The following PRDM5 variants were observed in gnomAD, a reference collection of about 807,000 sequenced individuals.
PRDM5 encodes the protein PR domain zinc finger protein 5.
PRDM5 carries 56 observed loss-of-function variants against 81.2 expected under a neutral mutation model. The ratio of observed to expected loss-of-function variants is 0.69; its 90% CI spans 0.56 to 0.86. PRDM5 has a LOEUF of 0.86. Ranked by LOEUF, PRDM5 falls within the 40% of genes least tolerant of loss-of-function variation. The pLI is 0.00. For missense variants in PRDM5, 697 were observed against 770.1 expected (o/e 0.91, Z 1.12); for synonymous variants, 267 against 256.4 (o/e 1.04, Z -0.39).
intron 10 of PRDM5, among the ~76,000 whole-genome samples, chr4:120,794,769 G>A (rs549103602): frequency 1.3e-4 from 20 of 152,010 alleles, no homozygotes; most frequent in Middle Eastern, 3.4e-3. Flanking sequence ...GACTACAGGC[G>A]TGCGCCACAA....
At chr4:120,911,892 G>A (rs1766556104) in intron 1 of PRDM5, among the ~76,000 whole-genome samples, 1 of 152,150 alleles carries the variant, frequency 6.6e-6, no homozygotes, top group Admixed American at 6.5e-5. Flanking sequence ...ATCATTAGAG[G>A]ATAATAAGTT....
intron 13 of PRDM5, among the ~76,000 whole-genome samples, chr4:120,755,170 T>C (rs1447118443): frequency 6.6e-6 from 1 of 152,196 alleles, no homozygotes; most frequent in Non-Finnish European, 1.5e-5. Context: ...TAATAATTAA[T>C]CCATACTTTC....
intron 3 of PRDM5, among the ~76,000 whole-genome samples, chr4:120,835,877 T>G (rs968672027): frequency 6.6e-6 from 1 of 150,546 alleles, no homozygotes; most frequent in Non-Finnish European, 1.5e-5. Flanking sequence ...GAAGGGTGAG[T>G]TGAAAGATGG....
intron 15 of PRDM5, among the ~76,000 whole-genome samples, chr4:120,695,984 C>A (rs1324290035): frequency 6.6e-6 from 1 of 151,992 alleles, no homozygotes. Context: ...GAGGAAATGG[C>A]TTGTAAAAAT....
intron 2 of PRDM5, among the ~76,000 whole-genome samples, chr4:120,872,814 C>A (rs1158577404): frequency 6.6e-6 from 1 of 151,952 alleles, no homozygotes; most frequent in African/African-American, 2.4e-5. Context: ...ATGGTGATTA[C>A]CAGGGGCAGG....
chr4:120,695,076 C>G lies in PRDM5; in HGVS notation c.*35G>C, dbSNP rs894717561. The G allele has an allele frequency of 1.9e-6, 3 of 1,596,088 alleles. No individual in the cohort carries two copies. Among genetic ancestry groups the G allele is most frequent in the Non-Finnish European group, 2.6e-6 (3 of 1,164,226 alleles). ...AAAAATCTGGGATTCATATTAGGAG[C>G]CCTTCTGAATAGTTTAATTCCTTTA... On this transcript the variant is annotated 3_prime_UTR_variant, in exon 16 of 16. Transcript: ENST00000264808.
intron 15 of PRDM5, among the ~76,000 whole-genome samples, chr4:120,702,038 A>T (rs6534204): frequency 0.82 from 124,653 of 152,010 alleles, 51,799 homozygotes; most frequent in East Asian, 0.91. Context: ...CTGTCTCAAC[A>T]AATGGGGAAT....
At chr4:120,867,806 A>C in intron 2 of PRDM5, among the ~76,000 whole-genome samples, 1 of 152,226 alleles carries the variant, frequency 6.6e-6, no homozygotes, top group Non-Finnish European at 1.5e-5. Flanking sequence ...TTGTCCAGAG[A>C]TATCTCACTT....
At chr4:120,872,205 C>T (rs1761905538) in intron 2 of PRDM5, among the ~76,000 whole-genome samples, 1 of 143,286 alleles carries the variant, frequency 7.0e-6, no homozygotes, top group African/African-American at 2.6e-5. Context: ...AGCAATTCCA[C>T]TTCTGGGTGT....
At chr4:120,790,060 C>A (rs937364159) in intron 10 of PRDM5, among the ~76,000 whole-genome samples, 1 of 152,130 alleles carries the variant, frequency 6.6e-6, no homozygotes, top group Admixed American at 6.5e-5. Context: ...AAGGTAGCAA[C>A]AAAGATTCCA....
chr4:120,843,844 A>G (rs1056569033), intron 3 of PRDM5, among the ~76,000 whole-genome samples: 8 of 152,174 alleles, frequency 5.3e-5, no homozygotes, highest in African/African-American at 1.9e-4. Flanking sequence ...TATCTAATAA[A>G]GATCTCAGCA....
chr4:120,803,929 A>C (rs1226399911), intron 8 of PRDM5, among the ~76,000 whole-genome samples: 1 of 152,146 alleles, frequency 6.6e-6, no homozygotes, highest in African/African-American at 2.4e-5. Context: ...GAGAGTCAAC[A>C]CCCATCAGTG....
intron 14 of PRDM5, among the ~76,000 whole-genome samples, chr4:120,723,894 G>GT (rs1200227925): frequency 5.1e-5 from 7 of 137,304 alleles, no homozygotes; most frequent in African/African-American, 1.1e-4. Context: ...GAAAATCAAA[G>GT]TAAGTCTTAC....
rs1423106485 is a variant in PRDM5 at position 120,727,768 on chromosome 4, T to C, written c.1624-17355A>G. Reference sequence around the variant, plus strand: ...CTGGCCAACACGGTGAAACCCCGACTGTACTAAAAATACAAAAAAATTAGC... The same window carrying C: ...CTGGCCAACACGGTGAAACCCCGACCGTACTAAAAATACAAAAAAATTAGC... On this transcript the variant is annotated intron_variant, in intron 14 of 15. Coordinates refer to ENST00000264808, the MANE Select transcript of PRDM5 (RefSeq NM_018699.4). Among the ~76,000 whole-genome samples, 8 of 151,972 alleles carry C rather than the reference T, an allele frequency of 5.3e-5. No individual in the cohort carries two copies. The South Asian group carries it at 1.0e-3, about 20-fold the overall frequency.
At chr4:120,697,542 G>A (rs1251376227) in intron 15 of PRDM5, among the ~76,000 whole-genome samples, 1 of 149,268 alleles carries the variant, frequency 6.7e-6, no homozygotes, top group African/African-American at 2.5e-5. Context: ...TCAAGATGTC[G>A]CTGTCACCCA....
chr4:120,785,168 A>G lies in PRDM5; in HGVS notation c.1189-77T>C, dbSNP rs148843584. 16 of 1,122,678 alleles carry G rather than the reference A, an allele frequency of 1.4e-5. No homozygotes were observed. The African/African-American group carries it at 2.4e-4, about 17-fold the overall frequency. 69.5% of individuals were successfully genotyped at this position (1,122,678 alleles called of 1,614,324 possible). ...CAATGAACGAGTGGAGCTTGGATTC[A>G]TGATGCGAAAGAGGAAAGAAGGGAA... On this transcript the variant is annotated intron_variant, in intron 10 of 15. Transcript: ENST00000264808.
chr4:120,721,453 C>G, intron 14 of PRDM5, among the ~76,000 whole-genome samples: 1 of 152,144 alleles, frequency 6.6e-6, no homozygotes, highest in Admixed American at 6.5e-5. Context: ...GTTCACCATC[C>G]TCTACCATAA....
chr4:120,825,751 G>C (rs948476491), intron 3 of PRDM5, among the ~76,000 whole-genome samples: 2 of 152,096 alleles, frequency 1.3e-5, no homozygotes, highest in Non-Finnish European at 2.9e-5. Context: ...GCCTAGTAGA[G>C]CTCTTAAATG....
intron 3 of PRDM5, chr4:120,838,269 G>A (rs1161825851): frequency 6.6e-6 from 1 of 151,944 alleles, no homozygotes; most frequent in Admixed American, 6.6e-5. Flanking sequence ...TTTTTTTGGG[G>A]AATAAGATAA....
Sources: gnomAD v4.1 joint callset for allele counts (sites outside exome capture counted in the v4.1 genomes callset) on GRCh38, gnomAD v4.1.1 for gene constraint, MANE v1.5 for transcripts, NCBI Gene and HGNC (gene_info 2026-07-23, HGNC 2026-07-21) for gene names.